The following RP1 variants were observed in gnomAD, a reference collection of about 807,000 sequenced individuals.
RP1 encodes the protein oxygen-regulated protein 1.
A neutral mutation model predicts 14.8 loss-of-function variants in RP1; 16 were observed. The ratio of observed to expected loss-of-function variants is 1.08; its 90% confidence interval spans 0.73 to 1.65. The LOEUF is 1.65. Ranked by LOEUF, RP1 falls within the 40% of genes most tolerant of loss-of-function variation. The probability of loss-of-function intolerance (pLI) is 0.00; values close to 1 mark genes in which losing one functional copy is unlikely to be tolerated. For synonymous variants in RP1, 876 were observed against 883.6 expected (o/e 0.99, Z 0.15); for missense variants, 2,631 against 2,535.0 (o/e 1.04, Z -0.81).
Position 54,680,094 on chromosome 8 carries a change from G to T in RP1, c.1717+161G>T, listed in dbSNP as rs183879683. 3.3e-5 allele frequency among the ~76,000 whole-genome samples: 5 copies of T among 152,264 alleles called. No individual in the cohort carries two copies. In the East Asian group the frequency reaches 9.6e-4, roughly 29 times the overall value. On this transcript the variant is annotated intron_variant, in intron 12 of 22. Coordinates refer to the RP1 transcript ENST00000636932. Reference sequence around the variant, plus strand: ...ATTTACTATCTGTATTAATAGAAATGATAAATAGATGACAGGCTTTAAATC... The same window carrying T: ...ATTTACTATCTGTATTAATAGAAATTATAAATAGATGACAGGCTTTAAATC...
At chr8:54,824,016 TAA>T in intron 24 of RP1, among the ~76,000 whole-genome samples, 1 of 152,220 alleles carries the variant, frequency 6.6e-6, no homozygotes, top group Non-Finnish European at 1.5e-5. Context: ...ATTGTGGTCT[TAA>T]TTTGCATTTC....
intron 15 of RP1, among the ~76,000 whole-genome samples, chr8:54,711,047 A>C (rs914752214): frequency 5.3e-5 from 8 of 152,282 alleles, no homozygotes; most frequent in Middle Eastern, 3.4e-3. Flanking sequence ...TGTCAATATT[A>C]CAGTATTTAA....
chr8:54,748,128 C>G (rs1422425030), intron 19 of RP1, among the ~76,000 whole-genome samples: 1 of 152,112 alleles, frequency 6.6e-6, no homozygotes, highest in African/African-American at 2.4e-5. Context: ...TTGATATGAG[C>G]CCCAGGCAAT....
At chr8:54,728,742 TATG>T (rs1227617919) in intron 17 of RP1, among the ~76,000 whole-genome samples, 1 of 152,206 alleles carries the variant, frequency 6.6e-6, no homozygotes, top group African/African-American at 2.4e-5. Context: ...TAAACTGCAT[TATG>T]ATATTAATTT....
chr8:54,757,834 G>T, intron 21 of RP1, among the ~76,000 whole-genome samples: 1 of 152,194 alleles, frequency 6.6e-6, no homozygotes, highest in South Asian at 2.1e-4. Flanking sequence ...TGAGAATGCA[G>T]GACAGTGACA....
At chr8:54,613,500 T>C (rs1021334030), upstream of RP1, among the ~76,000 whole-genome samples, 1 of 152,216 alleles carries the variant, frequency 6.6e-6, no homozygotes, top group South Asian at 2.1e-4. Flanking sequence ...TTGAGCTGTT[T>C]CTGGAAATTC....
rs1236096629 is a variant in RP1, at chr8:54,758,198, A to ATAACTT, written c.3094-721_3094-716dup. Among the ~76,000 whole-genome samples, 55 of 152,252 alleles carry ATAACTT rather than the reference A, an allele frequency of 3.6e-4. No homozygotes were observed. The Middle Eastern group carries it at 0.014, about 38-fold the overall frequency. ...CTTAAATTCATGATCCTTTCCTCAG[A>ATAACTT]TAACTTTAGGACGTTTATTCTCGAC... On this transcript the variant is annotated intron_variant, in intron 21 of 22. Transcript: ENST00000636932.
At chr8:54,846,983 C>T (rs1422170373) in intron 25 of RP1, among the ~76,000 whole-genome samples, 1 of 152,150 alleles carries the variant, frequency 6.6e-6, no homozygotes, top group Non-Finnish European at 1.5e-5. Flanking sequence ...CTCTTAGCAG[C>T]AGGGATGAGA....
At chr8:54,848,697 A>C (rs1458132551) in intron 25 of RP1, among the ~76,000 whole-genome samples, 2 of 152,204 alleles carry the variant, frequency 1.3e-5, no homozygotes, top group Non-Finnish European at 2.9e-5. Context: ...AAAGAGATAA[A>C]AAAAGTTTAG....
chr8:54,652,312 A>G (rs1262017762), intron 4 of RP1, among the ~76,000 whole-genome samples: 1 of 152,118 alleles, frequency 6.6e-6, no homozygotes, highest in Non-Finnish European at 1.5e-5. Context: ...TGATTTCTGG[A>G]TTCATTCCAT....
intron 24 of RP1, among the ~76,000 whole-genome samples, chr8:54,824,887 C>A (rs1182468083): frequency 2.0e-5 from 3 of 152,020 alleles, no homozygotes; most frequent in Admixed American, 6.6e-5. Context: ...TTAAAACTCT[C>A]AGAAAAAATG....
At chr8:54,812,202 G>A (rs1009342785) in intron 24 of RP1, among the ~76,000 whole-genome samples, 2 of 152,188 alleles carry the variant, frequency 1.3e-5, no homozygotes, top group Non-Finnish European at 1.5e-5. Context: ...GTGCAGTGGT[G>A]TGATCTCGGC....
Position 54,628,110 on chromosome 8 carries a change from C to A in RP1, c.4228C>A (p.Leu1410Ile). 1 of 1,613,950 alleles carries A rather than the reference C, an allele frequency of 6.2e-7. No homozygotes were observed. Among genetic ancestry groups the A allele is most frequent in the South Asian group, 1.1e-5 (1 of 91,074 alleles). Residue 1410 changes from leucine (L) to isoleucine (I), a missense_variant, in exon 4 of 4, where the codon CTT (leucine) becomes ATT (isoleucine). By Grantham distance (5) the Leu-to-Ile change is conservative. Transcript: ENST00000220676. ...GLCLSEKEAE[L>I]DKKHSSLDDF... ...TTGCCTAAGTGAAAAAGAAGCAGAA[C>A]TTGATAAGAAACATAGTTCTCTAGA...
chr8:54,647,984 G>T (rs1262148440), intron 3 of RP1, among the ~76,000 whole-genome samples: 2 of 152,258 alleles, frequency 1.3e-5, no homozygotes, highest in Non-Finnish European at 2.9e-5. Flanking sequence ...GGATCATGGG[G>T]ATGGTTTCCC....
intron 1 of RP1, among the ~76,000 whole-genome samples, chr8:54,607,508 G>C (rs1404448206): frequency 6.6e-6 from 1 of 152,188 alleles, no homozygotes; most frequent in African/African-American, 2.4e-5. Context: ...CACTTGAGGA[G>C]GCAGTCTGTC....
intron 18 of RP1, among the ~76,000 whole-genome samples, chr8:54,736,452 C>T (rs1437785): frequency 0.78 from 119,116 of 152,076 alleles, 47,313 homozygotes; most frequent in African/African-American, 0.92. Context: ...TCCTACTTAG[C>T]ACAAGGTGGG....
intron 3 of RP1, among the ~76,000 whole-genome samples, chr8:54,622,651 A>C (rs763984637): frequency 6.6e-6 from 1 of 152,212 alleles, no homozygotes; most frequent in Non-Finnish European, 1.5e-5. Context: ...ACCATGCAGC[A>C]TCCATAGCTG....
At chr8:54,777,623 T>TA (rs1000545451) in intron 23 of RP1, among the ~76,000 whole-genome samples, 5 of 152,180 alleles carry the variant, frequency 3.3e-5, no homozygotes, top group Admixed American at 6.6e-5. Flanking sequence ...CCTGAAAGAA[T>TA]AAAAATATTT....
intron 6 of RP1, among the ~76,000 whole-genome samples, chr8:54,661,459 A>T (rs945631640): frequency 1.3e-5 from 2 of 151,546 alleles, no homozygotes; most frequent in Non-Finnish European, 2.9e-5. Context: ...AGCCTGAGTG[A>T]CAGAACCAGA....
Sources: gnomAD v4.1 joint callset for allele counts (sites outside exome capture counted in the v4.1 genomes callset) on GRCh38, gnomAD v4.1.1 for gene constraint, MANE v1.5 for transcripts, NCBI Gene and HGNC (gene_info 2026-07-23, HGNC 2026-07-21) for gene names.